The following CSMD1 variants were observed in gnomAD, a reference collection of about 807,000 sequenced individuals.
The protein encoded by CSMD1 is CUB and Sushi multiple domains 1.
A neutral mutation model predicts 417.5 loss-of-function variants in CSMD1; 213 were observed. The ratio of observed to expected loss-of-function variants is 0.51; its 90% CI spans 0.46 to 0.57. The LOEUF (loss-of-function observed/expected upper bound fraction) is 0.57. CSMD1 is among the 20% of genes least tolerant of loss of function. The probability of loss-of-function intolerance (pLI) is 0.00; values close to 1 mark genes in which losing one functional copy is unlikely to be tolerated. For synonymous variants in CSMD1, 2,862 were observed against 1,736.8 expected (o/e 1.65, Z -16.11); for missense variants, 6,923 against 4,529.7 (o/e 1.53, Z -15.17).
chr8:3,794,679 G>A (rs1296248224), intron 5 of CSMD1, among the ~76,000 whole-genome samples: 2 of 151,648 alleles, frequency 1.3e-5, no homozygotes, highest in African/African-American at 2.4e-5. Flanking sequence ...TTATCCTACT[G>A]GAAAAAATCT....
At chr8:3,928,281 T>C (rs1167459176) in intron 5 of CSMD1, among the ~76,000 whole-genome samples, 3 of 152,202 alleles carry the variant, frequency 2.0e-5, no homozygotes, top group African/African-American at 7.2e-5. Flanking sequence ...GATATAAATG[T>C]TACATTGATT....
chr8:3,511,314 G>C (rs7009346), intron 10 of CSMD1, among the ~76,000 whole-genome samples: 47,025 of 151,202 alleles, frequency 0.31, 8,332 homozygotes, highest in Non-Finnish European at 0.39. Flanking sequence ...AACCACAATG[G>C]CATGTGTATA....
At chr8:3,704,032 C>T (rs1471832217) in intron 7 of CSMD1, among the ~76,000 whole-genome samples, 2 of 152,140 alleles carry the variant, frequency 1.3e-5, no homozygotes, top group African/African-American at 4.8e-5. Context: ...GATCCTGCCA[C>T]TGCACTCCAA....
At position 3,261,694 on chromosome 8, in the gene CSMD1, C is replaced by G. The variant is rs147845292; in HGVS notation, c.4153+22450G>C. Among the ~76,000 whole-genome samples the G allele has an allele frequency of 1.0e-3, 157 of 152,158 alleles. 2 individuals carry two copies. Among genetic ancestry groups the G allele is most frequent in the African/African-American group, 2.9e-3 (120 of 41,510 alleles). On this transcript the variant is annotated intron_variant, in intron 26 of 69. Transcript: ENST00000635120. ...AGGAATATGCCCTGGATTCATGCAACAAGCCGGCCCCATCAGCACCCACAG... is the reference window on the plus strand; with the variant it reads ...AGGAATATGCCCTGGATTCATGCAAGAAGCCGGCCCCATCAGCACCCACAG...
At chr8:3,634,521 C>G (rs941445114) in intron 7 of CSMD1, among the ~76,000 whole-genome samples, 1 of 152,164 alleles carries the variant, frequency 6.6e-6, no homozygotes, top group Non-Finnish European at 1.5e-5. Context: ...CGGACTCTGC[C>G]CATGTACCTC....
intron 49 of CSMD1, among the ~76,000 whole-genome samples, chr8:3,055,267 C>A (rs552449735): frequency 5.0e-4 from 76 of 152,296 alleles, no homozygotes; most frequent in African/African-American, 1.7e-3. Flanking sequence ...GAGAAGTGAA[C>A]CCCTGCTTGC....
At chr8:4,403,972 A>C (rs975701178) in intron 3 of CSMD1, among the ~76,000 whole-genome samples, 3 of 152,098 alleles carry the variant, frequency 2.0e-5, no homozygotes, top group African/African-American at 4.8e-5. Context: ...ATCACCCCTA[A>C]AACTCTCCTT....
intron 5 of CSMD1, among the ~76,000 whole-genome samples, chr8:3,926,709 G>A (rs1809753648): frequency 7.4e-6 from 1 of 135,322 alleles, no homozygotes; most frequent in South Asian, 2.4e-4. Context: ...AAGTTAAATT[G>A]ACACCTTTTT....
intron 2 of CSMD1, among the ~76,000 whole-genome samples, chr8:4,441,145 C>T (rs1211601720): frequency 3.4e-5 from 3 of 88,012 alleles, no homozygotes; most frequent in Non-Finnish European, 6.5e-5. Context: ...GTCACCTAAG[C>T]TAGAGTGCAG....
rs184708343 is a variant in CSMD1, at chr8:4,436,279, T to A, written c.303-16214A>T. Among the ~76,000 whole-genome samples the A allele has an allele frequency of 1.2e-3, 186 of 152,290 alleles. 2 individuals are homozygous for A. The highest frequency in any genetic ancestry group is 1.4e-3 in the Non-Finnish European group (96 of 68,008). On this transcript the variant is annotated intron_variant, in intron 2 of 69. Coordinates refer to ENST00000635120, the MANE Select transcript of CSMD1 (RefSeq NM_033225.6). ...TAAAAATATTTTAATACCCACCTTG[T>A]ATTGTGGTGTTTTTTTCATCTTATC...
Position 3,616,815 on chromosome 8 carries a change from A to G in CSMD1, c.1010-18T>C, listed in dbSNP as rs1802162342. 6 of 1,565,176 alleles carry G rather than the reference A, an allele frequency of 3.8e-6. No homozygotes were observed. Among genetic ancestry groups the G allele is most frequent in the South Asian group, 1.1e-5 (1 of 88,866 alleles). ...TTGGCTCACTGTAATAGACAGAAAC[A>G]TTGTCAAAATGCTGTATAGTTATTG... On this transcript the variant is annotated intron_variant, in intron 7 of 69. Coordinates refer to ENST00000635120, the MANE Select transcript of CSMD1 (RefSeq NM_033225.6).
intron 2 of CSMD1, among the ~76,000 whole-genome samples, chr8:4,489,627 G>C (rs1801596830): frequency 6.6e-6 from 1 of 152,128 alleles, no homozygotes; most frequent in Admixed American, 6.5e-5. Context: ...CCTGTGACTT[G>C]CTTCTGGTCA....
intron 3 of CSMD1, among the ~76,000 whole-genome samples, chr8:4,288,675 A>G (rs1408500541): frequency 6.6e-6 from 1 of 152,128 alleles, no homozygotes; most frequent in Non-Finnish European, 1.5e-5. Flanking sequence ...CCTTTTCAAC[A>G]TTTGTAACCT....
chr8:3,628,359 C>T (rs530209207), intron 7 of CSMD1, among the ~76,000 whole-genome samples: 3 of 152,264 alleles, frequency 2.0e-5, no homozygotes, highest in South Asian at 4.1e-4. Context: ...GGTGACCTCA[C>T]GCCCCTTCCT....
intron 5 of CSMD1, among the ~76,000 whole-genome samples, chr8:3,915,812 T>C (rs1808779971): frequency 6.8e-6 from 1 of 146,886 alleles, no homozygotes. Flanking sequence ...CTTTATCTAG[T>C]ATGCATTTTG....
intron 7 of CSMD1, among the ~76,000 whole-genome samples, chr8:3,654,447 T>A (rs1055917644): frequency 2.6e-5 from 4 of 152,094 alleles, no homozygotes; most frequent in Non-Finnish European, 5.9e-5. Context: ...AGGGAAAAGA[T>A]AATGGTACAG....
rs192710042 is a variant in CSMD1 at position 4,063,038 on chromosome 8, C to T, written c.416-30939G>A. ...GTTAGTTACATAATTTAGGAAGAAACGTTGGCTAATAGGGATAAATATATG... is the reference window on the plus strand; with the variant it reads ...GTTAGTTACATAATTTAGGAAGAAATGTTGGCTAATAGGGATAAATATATG... On this transcript the variant is annotated intron_variant, in intron 3 of 69. Transcript: ENST00000635120. Among the ~76,000 whole-genome samples, 155 of 152,036 alleles carry T rather than the reference C, an allele frequency of 1.0e-3. 1 individual carries two copies. The highest frequency in any genetic ancestry group is 3.6e-3 in the African/African-American group (151 of 41,464).
At chr8:3,103,917 AT>A in intron 46 of CSMD1, among the ~76,000 whole-genome samples, 1 of 150,892 alleles carries the variant, frequency 6.6e-6, no homozygotes, top group Non-Finnish European at 1.5e-5. Flanking sequence ...CTAATTTTGT[AT>A]TTTCAGTAGA....
intron 3 of CSMD1, among the ~76,000 whole-genome samples, chr8:4,032,519 C>G (rs372279110): frequency 6.6e-6 from 1 of 152,086 alleles, no homozygotes; most frequent in Non-Finnish European, 1.5e-5. Flanking sequence ...AATACTCATA[C>G]CCTATTTATT....
Sources: allele counts gnomAD v4.1 joint callset (sites outside exome capture counted in the v4.1 genomes callset), GRCh38; gene constraint gnomAD v4.1.1; transcripts MANE v1.5; gene names NCBI Gene and HGNC (gene_info 2026-07-23, HGNC 2026-07-21).